The following PLD5 variants were observed in gnomAD, a reference collection of about 807,000 sequenced individuals.
PLD5 encodes the protein inactive phospholipase D5.
Under a neutral mutation model 61.1 loss-of-function variants are expected in PLD5, and 36 were observed. That is an observed-to-expected ratio of 0.59 (90% CI 0.45 to 0.78). The LOEUF is 0.78. Ranked by LOEUF, PLD5 falls within the 30% of genes least tolerant of loss-of-function variation. The probability of loss-of-function intolerance (pLI) is 0.00; values close to 1 mark genes in which losing one functional copy is unlikely to be tolerated. For missense variants in PLD5, 515 were observed against 644.4 expected (o/e 0.80, Z 2.17); for synonymous variants, 243 against 242.8 (o/e 1.00, Z -0.01).
intron 2 of PLD5, among the ~76,000 whole-genome samples, chr1:242,305,949 C>A (rs1676324062): frequency 6.6e-6 from 1 of 152,170 alleles, no homozygotes; most frequent in Non-Finnish European, 1.5e-5. Flanking sequence ...GTCCTCACAA[C>A]TGGAAAGGGG....
intron 7 of PLD5, among the ~76,000 whole-genome samples, chr1:242,109,668 C>T (rs1029691093): frequency 6.6e-6 from 1 of 152,206 alleles, no homozygotes; most frequent in Non-Finnish European, 1.5e-5. Context: ...GTCCCTTCCA[C>T]TGGGAAAATT....
chr1:242,161,094 TGTG>T (rs1665790740), intron 5 of PLD5, among the ~76,000 whole-genome samples: 1 of 152,116 alleles, frequency 6.6e-6, no homozygotes. Flanking sequence ...TAGATAATTT[TGTG>T]CATTCTAGGT....
At chr1:242,279,339 T>A (rs1299677877) in intron 3 of PLD5, among the ~76,000 whole-genome samples, 1 of 152,072 alleles carries the variant, frequency 6.6e-6, no homozygotes, top group Non-Finnish European at 1.5e-5. Context: ...CCCAGTAAAA[T>A]CCCCTCATCG....
rs975731293 is a variant in PLD5 at position 242,137,653 on chromosome 1, T to C, written c.736-12988A>G. On this transcript the variant is annotated intron_variant, in intron 5 of 9. Coordinates refer to ENST00000536534, the MANE Select transcript of PLD5 (RefSeq NM_001372062.1). ...TTGCAAGATTCTTTGGGGAGAACCA[T>C]CCTATAAAGTACAGCCAAGTGTACC... 2.6e-5 allele frequency among the ~76,000 whole-genome samples: 4 copies of C among 152,022 alleles called. No individual in the cohort carries two copies. The East Asian group carries it at 7.7e-4, about 29-fold the overall frequency.
intron 1 of PLD5, among the ~76,000 whole-genome samples, chr1:242,429,130 A>G (rs2102885357): frequency 6.6e-6 from 1 of 152,334 alleles, no homozygotes; most frequent in East Asian, 1.9e-4. Context: ...GAGAAATCGG[A>G]ATGCCACGAA....
intron 5 of PLD5, among the ~76,000 whole-genome samples, chr1:242,139,976 C>G (rs1164285760): frequency 1.3e-5 from 2 of 152,170 alleles, no homozygotes; most frequent in Non-Finnish European, 2.9e-5. Flanking sequence ...TCTCTTGCAA[C>G]TAGGAAAAGT....
chr1:242,414,269 G>T (rs1336768028), intron 1 of PLD5, among the ~76,000 whole-genome samples: 2 of 151,576 alleles, frequency 1.3e-5, no homozygotes, highest in Admixed American at 6.6e-5. Context: ...TTTACAGGCT[G>T]CAGAGATAGA....
chr1:242,357,635 G>A (rs547071943), intron 1 of PLD5, among the ~76,000 whole-genome samples: 74 of 151,786 alleles, frequency 4.9e-4, no homozygotes, highest in African/African-American at 1.5e-3. Context: ...ACAGGTGCCC[G>A]CCACCACACC....
intron 1 of PLD5, among the ~76,000 whole-genome samples, chr1:242,430,472 C>A (rs566865815): frequency 6.6e-6 from 1 of 152,132 alleles, no homozygotes; most frequent in South Asian, 2.1e-4. Context: ...AAAGGACACA[C>A]CTCCAAAGAG....
intron 5 of PLD5, among the ~76,000 whole-genome samples, chr1:242,180,536 G>T (rs1388824910): frequency 1.3e-5 from 2 of 152,100 alleles, no homozygotes; most frequent in Admixed American, 1.3e-4. Flanking sequence ...AAGGTCCATA[G>T]GGAAGATAAC....
At chr1:242,357,211 G>T (rs1176219377) in intron 1 of PLD5, among the ~76,000 whole-genome samples, 1 of 151,694 alleles carries the variant, frequency 6.6e-6, no homozygotes, top group African/African-American at 2.4e-5. Flanking sequence ...GGTTGGCAGG[G>T]TTGTTTTTTG....
At chr1:242,517,975 C>T (rs1348033454) in intron 1 of PLD5, among the ~76,000 whole-genome samples, 1 of 152,122 alleles carries the variant, frequency 6.6e-6, no homozygotes, top group Non-Finnish European at 1.5e-5. Context: ...AACATACTGG[C>T]AGGAGCACAG....
At chr1:242,453,474 A>G (rs1050158706) in intron 1 of PLD5, among the ~76,000 whole-genome samples, 1 of 152,198 alleles carries the variant, frequency 6.6e-6, no homozygotes, top group Non-Finnish European at 1.5e-5. Context: ...TGAAATTTTT[A>G]TTGTACCCTT....
chr1:242,226,825 G>A (rs1326568058), intron 4 of PLD5, among the ~76,000 whole-genome samples: 1 of 152,074 alleles, frequency 6.6e-6, no homozygotes, highest in Non-Finnish European at 1.5e-5. Flanking sequence ...TTACTAAACT[G>A]TTCTTAGGAT....
intron 5 of PLD5, among the ~76,000 whole-genome samples, chr1:242,180,985 AAAACAAACAAAC>A (rs545725246): frequency 5.3e-5 from 8 of 151,956 alleles, no homozygotes; most frequent in Admixed American, 3.3e-4. Context: ...TAGGTCTCAA[AAAACAAACAAAC>A]AAACAAACAA....
intron 5 of PLD5, among the ~76,000 whole-genome samples, chr1:242,147,022 A>T (rs1056100265): frequency 2.0e-5 from 3 of 152,188 alleles, no homozygotes; most frequent in Non-Finnish European, 4.4e-5. Flanking sequence ...ATTTATATTG[A>T]GGTACAATTG....
At chr1:242,125,307 C>A (rs1662697156) in intron 5 of PLD5, among the ~76,000 whole-genome samples, 1 of 152,110 alleles carries the variant, frequency 6.6e-6, no homozygotes, top group South Asian at 2.1e-4. Flanking sequence ...GTTACACAAG[C>A]CTTAAGAGTA....
At chr1:242,141,569 C>G (rs1182510640) in intron 5 of PLD5, among the ~76,000 whole-genome samples, 1 of 152,148 alleles carries the variant, frequency 6.6e-6, no homozygotes, top group African/African-American at 2.4e-5. Flanking sequence ...TCCTTCTATT[C>G]CCTAAAGAGG....
Position 242,356,272 on chromosome 1 carries a change from T to C in PLD5, c.190-8030A>G, listed in dbSNP as rs552254227. On this transcript the variant is annotated intron_variant, in intron 1 of 9. Coordinates refer to ENST00000536534, the MANE Select transcript of PLD5 (RefSeq NM_001372062.1). ...GCTACACTGTTAGGTGCATATATAATTGTTATATCCTATTGATAAATTGAC... is the reference window on the plus strand; with the variant it reads ...GCTACACTGTTAGGTGCATATATAACTGTTATATCCTATTGATAAATTGAC... Among the ~76,000 whole-genome samples the C allele has an allele frequency of 2.6e-5, 4 of 152,240 alleles. No homozygotes were observed. In the East Asian group the frequency reaches 7.7e-4, roughly 29 times the overall value.
Sources: allele counts gnomAD v4.1 joint callset (sites outside exome capture counted in the v4.1 genomes callset), GRCh38; gene constraint gnomAD v4.1.1; transcripts MANE v1.5; gene names NCBI Gene and HGNC (gene_info 2026-07-23, HGNC 2026-07-21).